The following KLHL36 variants were observed in gnomAD, a reference collection of about 807,000 sequenced individuals.
KLHL36 encodes kelch like family member 36.
Under a neutral mutation model 53.3 loss-of-function variants are expected in KLHL36, and 35 were observed. That is an observed-to-expected ratio of 0.66 (90% CI 0.50 to 0.87). KLHL36 has a LOEUF of 0.87. KLHL36 is among the 40% of genes least tolerant of loss of function. KLHL36 has a pLI of 0.00. For missense variants in KLHL36, 864 were observed against 897.6 expected (o/e 0.96, Z 0.48); for synonymous variants, 472 against 398.9 (o/e 1.18, Z -2.18).
chr16:84,659,728 G>C lies in KLHL36; in HGVS notation c.1138-32G>C, dbSNP rs375439461. On this transcript the variant is annotated intron_variant, in intron 3 of 4. Transcript: ENST00000564996. The stretch of plus-strand genomic sequence containing the variant: ...ATGTTGATGCTGTCCCGGGTTCGGG[G>C]AAGGGAAGGTACAGGTATCTCAACT... 4.4e-6 allele frequency: 7 copies of C among 1,605,680 alleles called. 1 individual carries two copies. The highest frequency in any genetic ancestry group is 2.2e-5 in the East Asian group (1 of 44,618).
Position 84,656,990 on chromosome 16 carries a change from C to T in KLHL36, c.183C>T (p.Arg61=). 6.2e-7 allele frequency: 1 copy of T among 1,614,128 alleles called. No homozygotes were observed. The highest frequency in any genetic ancestry group is 8.5e-7 in the Non-Finnish European group (1 of 1,180,040). Residue 61 remains arginine, a synonymous_variant, in exon 3 of 5, where the codon CGC becomes CGT. Coordinates refer to ENST00000564996, the MANE Select transcript of KLHL36 (RefSeq NM_024731.4). The stretch of plus-strand genomic sequence containing the variant: ...ATGAGCAGCGTGTGCCAGCCCATCG[C>T]AACCTGCTGGCCGTGTGCAGCGACT... ...VADEQRVPAH[R]NLLAVCSDYF... is the part of the protein sequence containing the mutation.
Position 84,664,178 on chromosome 16 carries a change from C to T in KLHL36, c.*2045C>T, listed in dbSNP as rs1422750706. On this transcript the variant is annotated 3_prime_UTR_variant, in exon 5 of 5. Transcript: ENST00000564996. ...TTCTGCCAACTTTGGGATAGCTTAC[C>T]CCCTTCCTATTCGGGAAAGGTTTTA... is the stretch of plus-strand genomic sequence containing the variant. 6.6e-6 allele frequency: 1 copy of T among 152,166 alleles called. No individual in the cohort carries two copies. The highest frequency in any genetic ancestry group is 2.4e-5 in the African/African-American group (1 of 41,428). The allele number at this position is 152,166 out of a possible 1,614,324, so 9.4% of individuals were successfully genotyped here.
chr16:84,650,492 GAT>G (rs1428724385), intron 1 of KLHL36, among the ~76,000 whole-genome samples: 1 of 152,148 alleles, frequency 6.6e-6, no homozygotes, highest in Non-Finnish European at 1.5e-5. Flanking sequence ...GGTTAAATGA[GAT>G]GGCACACTTA....
chr16:84,660,624 G>A (rs1285469919), intron 4 of KLHL36, among the ~76,000 whole-genome samples: 1 of 152,040 alleles, frequency 6.6e-6, no homozygotes, highest in South Asian at 2.1e-4. Context: ...GTAAGCGCTC[G>A]TATTTTTGTT....
chr16:84,661,941 C>T lies in KLHL36; in HGVS notation c.1659C>T (p.Gly553=). The T allele has an allele frequency of 6.2e-7, 1 of 1,600,906 alleles. No individual in the cohort carries two copies. Residue 553 remains glycine, a synonymous_variant, in exon 5 of 5, where the codon GGC becomes GGT. Coordinates refer to ENST00000564996, the MANE Select transcript of KLHL36 (RefSeq NM_024731.4). The surrounding 1 kb of genome is among the most constrained non-coding windows in gnomAD (Gnocchi z 7.9). ...VWEGRIYILG[G]YSWENTAFSK... ...AGGGCCGCATCTACATCCTGGGCGGCTACAGCTGGGAGAACACTGCCTTCT... is the reference window on the plus strand; with the variant it reads ...AGGGCCGCATCTACATCCTGGGCGGTTACAGCTGGGAGAACACTGCCTTCT...
rs540800438 is a variant in KLHL36 at position 84,659,528 on chromosome 16, T to G, written c.1138-232T>G. On this transcript the variant is annotated intron_variant, in intron 3 of 4. Coordinates refer to ENST00000564996, the MANE Select transcript of KLHL36 (RefSeq NM_024731.4). Reference sequence around the variant, plus strand: ...GGTTCAGAGCATCTCCATCCCCCTTTTGGGGACTCAGAGCGTCTCCATCCC... The same window carrying G: ...GGTTCAGAGCATCTCCATCCCCCTTGTGGGGACTCAGAGCGTCTCCATCCC... 2.5e-4 allele frequency: 124 copies of G among 500,704 alleles called. 3 individuals carry two copies. In the South Asian group the frequency reaches 3.0e-3, roughly 12 times the overall value. The allele number at this position is 500,704 out of a possible 1,614,324, so 31.0% of individuals were successfully genotyped here.
chr16:84,665,539 G>A lies in KLHL36; in HGVS notation c.*3406G>A, dbSNP rs962249368. 2.0e-5 allele frequency: 3 copies of A among 152,150 alleles called. No homozygotes were observed. The highest frequency in any genetic ancestry group is 2.4e-5 in the African/African-American group (1 of 41,426). The allele number at this position is 152,150 out of a possible 1,614,324, so 9.4% of individuals were successfully genotyped here. The stretch of plus-strand genomic sequence containing the variant: ...TTAGCACGCAATTGGTATTTTTATT[G>A]TTCTGCCATTTTATTGAGGCTATCA... On this transcript the variant is annotated 3_prime_UTR_variant, in exon 5 of 5. Transcript: ENST00000564996.
chr16:84,653,467 T>G (rs1329411571), intron 2 of KLHL36, among the ~76,000 whole-genome samples: 1 of 151,778 alleles, frequency 6.6e-6, no homozygotes, highest in Non-Finnish European at 1.5e-5. Flanking sequence ...TGTCCCTTTA[T>G]AATTGGGAAA....
intron 4 of KLHL36, among the ~76,000 whole-genome samples, chr16:84,660,653 T>A (rs922567537): frequency 6.6e-5 from 10 of 152,204 alleles, no homozygotes; most frequent in Non-Finnish European, 1.5e-4. Context: ...AGAGAGTCTC[T>A]CTCTGTCACC....
intron 2 of KLHL36, among the ~76,000 whole-genome samples, chr16:84,655,758 G>A (rs1324304066): frequency 3.3e-5 from 5 of 150,048 alleles, no homozygotes; most frequent in African/African-American, 9.8e-5. Flanking sequence ...AATAGCCCTC[G>A]GTCAGTTTTC....
chr16:84,658,141 A>G, intron 3 of KLHL36, 197 bp downstream of exon 3: 2 of 498,458 alleles, frequency 4.0e-6, no homozygotes, highest in Non-Finnish European at 3.5e-6. Context: ...CACCCCTTCG[A>G]GGGGTCCGTC....
Position 84,648,995 on chromosome 16 carries a change from G to A in KLHL36, c.-17+346G>A, listed in dbSNP as rs993008673. 2.6e-5 allele frequency: 4 copies of A among 152,206 alleles called. No homozygotes were observed. Among genetic ancestry groups the A allele is most frequent in the Admixed American group, 2.0e-4 (3 of 15,288 alleles). 9.4% of individuals were successfully genotyped at this position (152,206 alleles called of 1,614,324 possible). A position where few individuals can be genotyped will look rare whatever the true frequency, so the allele number is the denominator to read the frequency against. On this transcript the variant is annotated intron_variant, in intron 1 of 4. Coordinates refer to ENST00000564996, the MANE Select transcript of KLHL36 (RefSeq NM_024731.4). The surrounding 1 kb of genome is among the most constrained non-coding windows in gnomAD (Gnocchi z 4.9). ...TCCGCCTGGGCTGCGGGGTCCGAGCGAACGACAGCGGCGTCCCCGGAGACC... is the reference window on the plus strand; with the variant it reads ...TCCGCCTGGGCTGCGGGGTCCGAGCAAACGACAGCGGCGTCCCCGGAGACC...
chr16:84,660,014 A>G lies in KLHL36; in HGVS notation c.1295+97A>G, dbSNP rs965554724. The stretch of plus-strand genomic sequence containing the variant: ...CACTTTCTGGGCATGTTGGCCTCCA[A>G]TTCCAGGAATGAAATCTTCCGGCTT... On this transcript the variant is annotated intron_variant, in intron 4 of 4. Coordinates refer to ENST00000564996, the MANE Select transcript of KLHL36 (RefSeq NM_024731.4). 8 of 1,191,212 alleles carry G rather than the reference A, an allele frequency of 6.7e-6. No homozygotes were observed. The African/African-American group carries it at 7.6e-5, about 11-fold the overall frequency. 73.8% of individuals were successfully genotyped at this position (1,191,212 alleles called of 1,614,324 possible).
chr16:84,657,060 A>G lies in KLHL36; in HGVS notation c.253A>G (p.Lys85Glu), dbSNP rs765708342. Residue 85 changes from lysine (K) to glutamate (E), a missense_variant, in exon 3 of 5, where the codon AAG becomes GAG. Coordinates refer to ENST00000564996, the MANE Select transcript of KLHL36 (RefSeq NM_024731.4). The part of the protein sequence containing the change: ...FTIGMREAFQ[K>E]EVELIGASYI... The stretch of plus-strand genomic sequence containing the variant: ...CATCGGCATGCGGGAAGCTTTCCAG[A>G]AGGAGGTGGAGCTGATCGGCGCCTC... 3 of 1,614,146 alleles carry G rather than the reference A, an allele frequency of 1.9e-6. No homozygotes were observed. Among genetic ancestry groups the G allele is most frequent in the Non-Finnish European group, 1.7e-6 (2 of 1,180,016 alleles).
At position 84,662,088 on chromosome 16, in the gene KLHL36, G is replaced by C. The variant is rs1193865940; in HGVS notation, c.1806G>C (p.Lys602Asn). 1.3e-6 allele frequency: 2 copies of C among 1,571,454 alleles called. No individual in the cohort carries two copies. Among genetic ancestry groups the C allele is most frequent in the Non-Finnish European group, 8.6e-7 (1 of 1,157,340 alleles). Reference protein sequence around the residue: ...VCALEPRPEDKKKKGKGKRHQ... With the variant: ...VCALEPRPEDNKKKGKGKRHQ... The stretch of plus-strand genomic sequence containing the variant: ...CCCTGGAGCCACGGCCAGAGGACAA[G>C]AAGAAGAAAGGCAAAGGCAAGAGGC... The change falls in exon 5 of 5, where the codon AAG (lysine) becomes AAC (asparagine). Residue 602 changes from lysine to asparagine, a missense_variant. Transcript: ENST00000564996.
rs1483586504 is a variant in KLHL36 at position 84,661,628 on chromosome 16, C to G, written c.1346C>G (p.Ser449Trp). ...GTIYKDFVYI[S>W]GGHDYQIGPY... ...ATCTACAAAGACTTCGTGTACATCT[C>G]GGGGGGCCACGACTACCAAATTGGC... The change falls in exon 5 of 5, where the codon TCG becomes TGG. Residue 449 changes from serine to tryptophan, a missense_variant. By Grantham distance (177) the Ser-to-Trp change is radical. Coordinates refer to ENST00000564996, the MANE Select transcript of KLHL36 (RefSeq NM_024731.4). The surrounding 1 kb of genome is among the most constrained non-coding windows in gnomAD (Gnocchi z 7.9). The G allele has an allele frequency of 1.2e-6, 2 of 1,611,714 alleles. No homozygotes were observed. The highest frequency in any genetic ancestry group is 1.7e-6 in the Non-Finnish European group (2 of 1,179,118).
chr16:84,662,460 T>G lies in KLHL36; in HGVS notation c.*327T>G. 3.0e-5 allele frequency: 6 copies of G among 201,166 alleles called. No individual in the cohort carries two copies. Among genetic ancestry groups the G allele is most frequent in the Non-Finnish European group, 3.1e-5 (3 of 98,258 alleles). The allele number at this position is 201,166 out of a possible 1,614,324, so 12.5% of individuals were successfully genotyped here. On this transcript the variant is annotated 3_prime_UTR_variant, in exon 5 of 5. Transcript: ENST00000564996. ...GGCACGTGGGTAACACAGAAATTTC[T>G]GTAGTGAAGCTTGGGCCTCAAAGGG... is the stretch of plus-strand genomic sequence containing the variant.
intron 1 of KLHL36, 77 bp from the exon 2 acceptor site, chr16:84,650,775 A>C (rs1158373084): frequency 2.6e-5 from 25 of 970,836 alleles, no homozygotes; most frequent in Non-Finnish European, 3.6e-5. Flanking sequence ...CATCCTTGGT[A>C]TCTGCTAGCA....
At position 84,659,808 on chromosome 16, in the gene KLHL36, G is replaced by A. The variant is rs1021204902; in HGVS notation, c.1186G>A (p.Glu396Lys). The A allele has an allele frequency of 5.0e-6, 8 of 1,613,996 alleles. No homozygotes were observed. Among genetic ancestry groups the A allele is most frequent in the African/African-American group, 2.7e-5 (2 of 74,914 alleles). The change falls in exon 4 of 5, where the codon GAA (glutamate) becomes AAA (lysine). Residue 396 changes from glutamate (E) to lysine (K), a missense_variant. Coordinates refer to ENST00000564996, the MANE Select transcript of KLHL36 (RefSeq NM_024731.4). ...RRVDFYLASI[E>K]DMLVAIGGRN... Reference sequence around the variant, plus strand: ...TGTGGATTTCTACCTTGCCTCCATCGAAGACATGCTGGTGGCCATCGGCGG... The same window carrying A: ...TGTGGATTTCTACCTTGCCTCCATCAAAGACATGCTGGTGGCCATCGGCGG...
Sources: gnomAD v4.1 joint callset for allele counts (sites outside exome capture counted in the v4.1 genomes callset) on GRCh38, gnomAD v4.1.1 for gene constraint, Gnocchi (gnomAD v3.1) non-coding constraint, MANE v1.5 for transcripts, NCBI Gene and HGNC (gene_info 2026-07-23, HGNC 2026-07-21) for gene names.